Variants in TUB observed in about 807,000 individuals in gnomAD.
TUB encodes TUB bipartite transcription factor, also known as tubby protein homolog.
In TUB, 33 loss-of-function variants were observed where a neutral mutation model predicts 59.7. The ratio of observed to expected loss-of-function variants is 0.55; its 90% CI spans 0.42 to 0.74. The LOEUF is 0.74. Ranked by LOEUF, TUB falls within the 30% of genes least tolerant of loss-of-function variation. TUB has a pLI of 0.00. For synonymous variants in TUB, 293 were observed against 256.4 expected, an observed-to-expected ratio of 1.14 and a Z score of -1.36; for missense variants, 659 against 672.0, an observed-to-expected ratio of 0.98 and a Z score of 0.21.
At chr11:8,080,690 C>A (rs1378478018), upstream of TUB, among the ~76,000 whole-genome samples, 1 of 152,208 alleles carries the variant, frequency 6.6e-6, no homozygotes, top group African/African-American at 2.4e-5. Context: ...CTTCCCTTGA[C>A]GCTATAGCTT....
At chr11:8,043,432 A>G (rs1329296252) in intron 2 of TUB, among the ~76,000 whole-genome samples, 1 of 152,158 alleles carries the variant, frequency 6.6e-6, no homozygotes, top group Non-Finnish European at 1.5e-5. Flanking sequence ...TACAAATTTT[A>G]GAATCTGCTT....
intron 4 of TUB, among the ~76,000 whole-genome samples, chr11:8,095,155 C>T (rs1190620783): frequency 6.6e-6 from 1 of 152,224 alleles, no homozygotes; most frequent in Non-Finnish European, 1.5e-5. Context: ...TGATTGCTGG[C>T]CTTGCCTATG....
intron 2 of TUB, among the ~76,000 whole-genome samples, chr11:8,073,596 T>A (rs1178695031): frequency 6.6e-6 from 1 of 152,190 alleles, no homozygotes; most frequent in East Asian, 1.9e-4. Flanking sequence ...ATGAAAGCTC[T>A]CTCCCGCTCT....
intron 1 of TUB, among the ~76,000 whole-genome samples, chr11:8,083,260 G>T (rs1176411323): frequency 2.0e-5 from 3 of 152,152 alleles, no homozygotes; most frequent in Non-Finnish European, 4.4e-5. Context: ...CAGATGGCAG[G>T]GTGGTGGCCA....
chr11:8,044,891 A>C (rs1190295556), intron 2 of TUB, among the ~76,000 whole-genome samples: 1 of 152,342 alleles, frequency 6.6e-6, no homozygotes. Context: ...CAAATGGAAG[A>C]GACACCTAGG....
At chr11:8,023,525 T>C (rs1319534606) in intron 1 of TUB, among the ~76,000 whole-genome samples, 10 of 152,192 alleles carry the variant, frequency 6.6e-5, no homozygotes. Context: ...AACACAGAAA[T>C]CTATATCTTC....
intron 1 of TUB, among the ~76,000 whole-genome samples, chr11:8,029,352 G>A (rs1942538966): frequency 6.7e-6 from 1 of 148,278 alleles, no homozygotes. Context: ...CACTTTTAAA[G>A]TTTGGGCCCT....
intron 2 of TUB, among the ~76,000 whole-genome samples, chr11:8,043,777 CTTGT>C (rs1467071740): frequency 6.6e-6 from 1 of 152,062 alleles, no homozygotes; most frequent in African/African-American, 2.4e-5. Context: ...ACTTGCTGAA[CTTGT>C]TTATTAGTTA....
At chr11:8,097,062 G>C (rs944375110) in intron 6 of TUB, among the ~76,000 whole-genome samples, 166 bp from the exon 7 acceptor site, 2 of 152,100 alleles carry the variant, frequency 1.3e-5, no homozygotes, top group Non-Finnish European at 2.9e-5. Flanking sequence ...TGAGGGCAGG[G>C]CTGGGAAGAT....
intron 2 of TUB, among the ~76,000 whole-genome samples, chr11:8,043,702 T>C (rs889224386): frequency 5.9e-5 from 9 of 152,236 alleles, no homozygotes; most frequent in Non-Finnish European, 1.2e-4. Flanking sequence ...ATTGAATTGC[T>C]TTCTTAATGC....
chr11:8,096,979 G>A (rs1944023558), intron 6 of TUB, among the ~76,000 whole-genome samples, 173 bp downstream of exon 6: 2 of 152,092 alleles, frequency 1.3e-5, no homozygotes, highest in Admixed American at 1.3e-4. Flanking sequence ...GGTGATGTAT[G>A]GGGGGAGATG....
In TUB at chr11:8,094,111, G is replaced by A. The variant is rs1168167394; in HGVS notation, c.319G>A (p.Ala107Thr). 6.2e-7 allele frequency: 1 copy of A among 1,614,180 alleles called. No homozygotes were observed. Among genetic ancestry groups the A allele is most frequent in the East Asian group, 2.2e-5 (1 of 44,882 alleles). The change falls in exon 4 of 12, where the codon GCC (alanine) becomes ACC (threonine). Residue 107 changes from alanine to threonine, a missense_variant. Physicochemically the swap from Ala to Thr is moderately conservative, Grantham distance 58 (BLOSUM62 0). Transcript: ENST00000299506. ...GATRPTAPAS[A>T]KRTKAAATAG... ...CACGCGCCCAACAGCACCAGCTTCA[G>A]CCAAGAGAACCAAGGCGGCAGCTAC...
chr11:8,046,170 A>T (rs1199053736), intron 2 of TUB, among the ~76,000 whole-genome samples: 2 of 152,122 alleles, frequency 1.3e-5, no homozygotes, highest in Non-Finnish European at 2.9e-5. Context: ...CCAGGGAATA[A>T]TCAGGGCACT....
chr11:8,092,476 T>C (rs1260779863), intron 3 of TUB, among the ~76,000 whole-genome samples: 1 of 152,148 alleles, frequency 6.6e-6, no homozygotes, highest in African/African-American at 2.4e-5. Context: ...GGCAAGCCAT[T>C]TACCCTCTCT....
At chr11:8,060,187 T>A (rs569594307) in intron 2 of TUB, 1 of 152,422 alleles carries the variant, frequency 6.6e-6, no homozygotes, top group South Asian at 2.1e-4. Context: ...CATGGATAGG[T>A]GGGAAAGCCA....
upstream of TUB, among the ~76,000 whole-genome samples, chr11:8,036,876 C>T (rs559500717): frequency 1.8e-3 from 278 of 152,340 alleles, 1 homozygote; most frequent in African/African-American, 6.3e-3. Flanking sequence ...AAGCTGGCTT[C>T]ATCTACAGTT....
At position 8,097,709 on chromosome 11, in the gene TUB, C is replaced by T; in HGVS notation, c.886-5C>T. 6.2e-7 allele frequency: 1 copy of T among 1,611,070 alleles called. No individual in the cohort carries two copies. The highest frequency in any genetic ancestry group is 1.3e-5 in the African/African-American group (1 of 74,990). On this transcript the variant is annotated splice_region_variant and splice_polypyrimidine_tract_variant and intron_variant, in intron 7 of 11. Coordinates refer to ENST00000299506, the MANE Select transcript of TUB (RefSeq NM_177972.3). ...CTGGAATATGACCTCATTCCACTCCCCAAGGTGTTCCTCCTGGCGGGAAGG... is the reference window on the plus strand; with the variant it reads ...CTGGAATATGACCTCATTCCACTCCTCAAGGTGTTCCTCCTGGCGGGAAGG...
chr11:8,086,459 G>C (rs776160381), intron 1 of TUB, among the ~76,000 whole-genome samples: 10 of 152,158 alleles, frequency 6.6e-5, no homozygotes, highest in Non-Finnish European at 1.3e-4. Context: ...AGCCATCGCA[G>C]TTGCCCTTGG....
At chr11:8,085,394 C>T (rs1362898413) in intron 1 of TUB, among the ~76,000 whole-genome samples, 2 of 152,214 alleles carry the variant, frequency 1.3e-5, no homozygotes, top group Admixed American at 1.3e-4. Context: ...GGAATGGGGA[C>T]GGCACATCCT....
Sources: gnomAD v4.1 joint callset for allele counts (sites outside exome capture counted in the v4.1 genomes callset) on GRCh38, gnomAD v4.1.1 for gene constraint, MANE v1.5 for transcripts, NCBI Gene and HGNC (gene_info 2026-07-23, HGNC 2026-07-21) for gene names.